The following DSCAM variants were observed in gnomAD, a reference collection of about 807,000 sequenced individuals.
DSCAM encodes the protein cell adhesion molecule DSCAM.
A neutral mutation model predicts 217.7 loss-of-function variants in DSCAM; 47 were observed. The observed-to-expected ratio is 0.22, with a 90% CI of 0.17 to 0.28. The LOEUF (loss-of-function observed/expected upper bound fraction) is 0.28, where lower values mean the gene tolerates loss of function less well. Among genes scored for constraint, DSCAM ranks in the 10% least tolerant of loss-of-function variants. The probability of loss-of-function intolerance (pLI) is 1.00; values close to 1 mark genes in which losing one functional copy is unlikely to be tolerated. For synonymous variants in DSCAM, 1,056 were observed against 1,015.3 expected (o/e 1.04, Z -0.76); for missense variants, 2,080 against 2,618.3 (o/e 0.79, Z 4.49).
intron 28 of DSCAM, among the ~76,000 whole-genome samples, chr21:40,061,527 C>A (rs918013227): frequency 6.6e-6 from 1 of 150,686 alleles, no homozygotes; most frequent in African/African-American, 2.4e-5. Context: ...CAAGACCGCA[C>A]CATTGCACTC....
chr21:40,369,332 T>TC, intron 3 of DSCAM, 87 bp from the exon 4 acceptor site: 3 of 1,366,400 alleles, frequency 2.2e-6, no homozygotes, highest in South Asian at 1.5e-5. Context: ...GTTTTTTTTT[T>TC]CCCCCACCTG....
intron 3 of DSCAM, among the ~76,000 whole-genome samples, chr21:40,412,215 T>C (rs1479454088): frequency 3.3e-5 from 5 of 152,126 alleles, no homozygotes; most frequent in South Asian, 4.1e-4. Context: ...ATCAGCGGCA[T>C]GAAAATGGAC....
At chr21:40,173,577 T>C (rs1450056837) in intron 15 of DSCAM, among the ~76,000 whole-genome samples, 1 of 152,154 alleles carries the variant, frequency 6.6e-6, no homozygotes, top group Non-Finnish European at 1.5e-5. Context: ...GCTGTGCATT[T>C]GACTCTTACT....
chr21:40,634,013 C>T (rs1030142615), intron 3 of DSCAM, among the ~76,000 whole-genome samples: 4 of 152,052 alleles, frequency 2.6e-5, no homozygotes, highest in African/African-American at 9.7e-5. Flanking sequence ...AGGAACATAG[C>T]CTAACAAATA....
chr21:40,029,191 C>A (rs977682128), intron 32 of DSCAM, among the ~76,000 whole-genome samples: 3 of 152,308 alleles, frequency 2.0e-5, no homozygotes, highest in Admixed American at 6.5e-5. Flanking sequence ...CAGTTGCAAA[C>A]CTTCTTGGAT....
intron 3 of DSCAM, among the ~76,000 whole-genome samples, chr21:40,573,319 C>T (rs2076823365): frequency 6.6e-6 from 1 of 151,948 alleles, no homozygotes; most frequent in South Asian, 2.1e-4. Context: ...GCCTGGGCGA[C>T]AGAGCAAGAC....
chr21:40,775,244 A>C (rs2091478170), intron 1 of DSCAM, among the ~76,000 whole-genome samples: 1 of 152,182 alleles, frequency 6.6e-6, no homozygotes, highest in African/African-American at 2.4e-5. Context: ...TCTTGTTATT[A>C]AGCATGGTTT....
chr21:40,591,084 G>A (rs1319633172), intron 3 of DSCAM, among the ~76,000 whole-genome samples: 2 of 148,946 alleles, frequency 1.3e-5, no homozygotes, highest in Admixed American at 1.3e-4. Flanking sequence ...TGATAGTGAA[G>A]GAGTTCTCAC....
Position 40,844,960 on chromosome 21 carries a change from C to A in DSCAM, c.43+1659G>T, listed in dbSNP as rs538866692. On this transcript the variant is annotated intron_variant, in intron 1 of 32. Coordinates refer to ENST00000400454, the MANE Select transcript of DSCAM (RefSeq NM_001389.5). ...GTTCAGAAAGGTACTCCCTGACAGG[C>A]GAAACAGGGTGTCAAGGCTCTGTGT... 1.2e-3 allele frequency among the ~76,000 whole-genome samples: 181 copies of A among 152,298 alleles called. 1 individual carries two copies. Among genetic ancestry groups the A allele is most frequent in the African/African-American group, 4.0e-3 (168 of 41,566 alleles).
At chr21:40,389,480 T>C (rs2075115096) in intron 3 of DSCAM, among the ~76,000 whole-genome samples, 1 of 152,216 alleles carries the variant, frequency 6.6e-6, no homozygotes, top group African/African-American at 2.4e-5. Context: ...AAATCTATGC[T>C]GAATTACCAT....
intron 3 of DSCAM, among the ~76,000 whole-genome samples, chr21:40,399,011 A>T (rs1569104302): frequency 1.3e-5 from 2 of 152,164 alleles, no homozygotes; most frequent in South Asian, 4.1e-4. Flanking sequence ...TCACTTACAC[A>T]TGTAATCCCA....
Position 40,751,224 on chromosome 21 carries a change from G to A in DSCAM, c.44-42453C>T, listed in dbSNP as rs1033797464. 3.3e-5 allele frequency among the ~76,000 whole-genome samples: 5 copies of A among 152,204 alleles called. No homozygotes were observed. The East Asian group carries it at 5.8e-4, about 18-fold the overall frequency. On this transcript the variant is annotated intron_variant, in intron 1 of 32. Transcript: ENST00000400454. ...TCAAGTGCCCCTTCTCAGCGAGACC[G>A]ACTCTAGCCTATCTGAAACTCCACG...
chr21:40,834,167 G>C (rs1453678423), intron 1 of DSCAM, among the ~76,000 whole-genome samples: 1 of 151,852 alleles, frequency 6.6e-6, no homozygotes, highest in African/African-American at 2.4e-5. Context: ...TGCCCAGTTT[G>C]GGAGGCCGAG....
At chr21:40,500,008 T>C (rs1426773356) in intron 3 of DSCAM, among the ~76,000 whole-genome samples, 1 of 152,090 alleles carries the variant, frequency 6.6e-6, no homozygotes, top group Non-Finnish European at 1.5e-5. Flanking sequence ...CTCGATCTCC[T>C]GACCTCACGA....
At chr21:40,730,713 AG>A (rs2091003100) in intron 1 of DSCAM, among the ~76,000 whole-genome samples, 1 of 151,712 alleles carries the variant, frequency 6.6e-6, no homozygotes, top group Admixed American at 6.6e-5. Flanking sequence ...GCAAGAGAGG[AG>A]GGGGTGGGAG....
At chr21:40,370,462 T>C (rs1392022615) in intron 3 of DSCAM, among the ~76,000 whole-genome samples, 1 of 152,230 alleles carries the variant, frequency 6.6e-6, no homozygotes, top group Non-Finnish European at 1.5e-5. Flanking sequence ...CAGGTTCAGT[T>C]GAAACATCCT....
intron 2 of DSCAM, 111 bp downstream of exon 2, chr21:40,708,343 G>T: frequency 1.1e-6 from 1 of 903,718 alleles, no homozygotes; most frequent in Non-Finnish European, 1.5e-6. Flanking sequence ...ATGAACTGAT[G>T]ATGGGGTTTT....
chr21:40,296,650 G>A (rs1167484845), intron 9 of DSCAM, among the ~76,000 whole-genome samples: 2 of 151,870 alleles, frequency 1.3e-5, no homozygotes, highest in African/African-American at 2.4e-5. Flanking sequence ...TGACCAACAC[G>A]GAGAAACCCC....
At chr21:40,608,906 T>C (rs2089277639) in intron 3 of DSCAM, among the ~76,000 whole-genome samples, 3 of 152,188 alleles carry the variant, frequency 2.0e-5, no homozygotes, top group African/African-American at 4.8e-5. Context: ...TTGCAAGTTC[T>C]TTCTGGGTAA....
Sources: gnomAD v4.1 joint callset for allele counts (sites outside exome capture counted in the v4.1 genomes callset) on GRCh38, gnomAD v4.1.1 for gene constraint, MANE v1.5 for transcripts, NCBI Gene and HGNC (gene_info 2026-07-23, HGNC 2026-07-21) for gene names.